Variants in RGS6 observed in about 807,000 individuals in gnomAD.
RGS6 encodes regulator of G protein signaling 6.
In RGS6, 30 loss-of-function variants were observed where a neutral mutation model predicts 78.5. That is an observed-to-expected ratio of 0.38 (90% confidence interval 0.29 to 0.52). The LOEUF (loss-of-function observed/expected upper bound fraction) is 0.52. Ranked by LOEUF, RGS6 falls within the 20% of genes least tolerant of loss-of-function variation. RGS6 has a pLI of 0.85. For synonymous variants in RGS6, 206 were observed against 206.0 expected (o/e 1.00, Z 0.00); for missense variants, 495 against 609.7 (o/e 0.81, Z 1.98).
At chr14:72,013,689 G>T (rs1464249219) in intron 2 of RGS6, among the ~76,000 whole-genome samples, 1 of 152,204 alleles carries the variant, frequency 6.6e-6, no homozygotes, top group African/African-American at 2.4e-5. Context: ...AAATATTCAT[G>T]AGCAAATATA....
intron 3 of RGS6, among the ~76,000 whole-genome samples, chr14:72,400,620 G>A (rs866011131): frequency 6.6e-6 from 1 of 152,178 alleles, no homozygotes; most frequent in Non-Finnish European, 1.5e-5. Context: ...CGCTGATTCT[G>A]TTCAGTAACC....
chr14:72,241,342 A>T (rs1260461809), intron 2 of RGS6, among the ~76,000 whole-genome samples: 1 of 152,192 alleles, frequency 6.6e-6, no homozygotes, highest in African/African-American at 2.4e-5. Flanking sequence ...TTCTGAAAAT[A>T]CTTTAAATCC....
chr14:72,549,176 G>A (rs1329493367), intron 17 of RGS6, among the ~76,000 whole-genome samples: 2 of 152,188 alleles, frequency 1.3e-5, no homozygotes, highest in Non-Finnish European at 2.9e-5. Flanking sequence ...CACACTCAAA[G>A]CAAGGGAAAC....
chr14:72,271,892 T>C (rs1287391088), intron 2 of RGS6, among the ~76,000 whole-genome samples: 1 of 151,526 alleles, frequency 6.6e-6, no homozygotes, highest in African/African-American at 2.4e-5. Context: ...CCAGCAGCAG[T>C]AGTTGAGTCC....
At chr14:71,874,020 C>T in the RGS6 span, among the ~76,000 whole-genome samples, 4 of 152,208 alleles carry the variant, frequency 2.6e-5, no homozygotes, top group South Asian at 2.1e-4. Flanking sequence ...TTGGTACCAA[C>T]ACCATGCTGT....
chr14:72,485,478 T>C (rs1444726461), intron 12 of RGS6, among the ~76,000 whole-genome samples: 1 of 152,184 alleles, frequency 6.6e-6, no homozygotes, highest in East Asian at 1.9e-4. Context: ...GGCCTTCTCA[T>C]TGTCTTGTGT....
chr14:72,133,616 A>C (rs1033304525), intron 2 of RGS6, among the ~76,000 whole-genome samples: 1 of 152,066 alleles, frequency 6.6e-6, no homozygotes, highest in Non-Finnish European at 1.5e-5. Flanking sequence ...TGCCTTTCCA[A>C]GTACTCTTGC....
chr14:72,291,246 C>T (rs752628375), intron 2 of RGS6, among the ~76,000 whole-genome samples: 9 of 152,028 alleles, frequency 5.9e-5, no homozygotes, highest in Admixed American at 1.3e-4. Context: ...AGGCAAGCCA[C>T]TCTCCATAGT....
At position 72,465,674 on chromosome 14, in the gene RGS6, A is replaced by G. The variant is rs563966428; in HGVS notation, c.395-84A>G. 5.4e-4 allele frequency: 510 copies of G among 936,082 alleles called. 3 individuals carry two copies. The African/African-American group carries it at 7.4e-3, about 14-fold the overall frequency. 58.0% of individuals were successfully genotyped at this position (936,082 alleles called of 1,614,324 possible). On this transcript the variant is annotated intron_variant, in intron 6 of 17. Transcript: ENST00000553525. ...GATGGATGGATGGGTGAATGGGTGAATGGATGGACAGATGGATGGATGGGC... is the reference window on the plus strand; with the variant it reads ...GATGGATGGATGGGTGAATGGGTGAGTGGATGGACAGATGGATGGATGGGC...
At chr14:71,958,007 A>C (rs1039172124) in intron 1 of RGS6, among the ~76,000 whole-genome samples, 1 of 143,880 alleles carries the variant, frequency 7.0e-6, no homozygotes, top group Non-Finnish European at 1.5e-5. Context: ...GGTTTAAGCA[A>C]TCCTCATGCA....
chr14:72,422,468 G>C (rs1455247214), intron 3 of RGS6, among the ~76,000 whole-genome samples: 1 of 152,150 alleles, frequency 6.6e-6, no homozygotes, highest in Non-Finnish European at 1.5e-5. Context: ...AACAAATCTA[G>C]AGAAATAAGT....
chr14:72,348,525 C>T (rs1276325538), intron 2 of RGS6, among the ~76,000 whole-genome samples: 1 of 152,108 alleles, frequency 6.6e-6, no homozygotes, highest in African/African-American at 2.4e-5. Context: ...CTCCAGAAAC[C>T]ATGACAAGGA....
chr14:72,390,831 A>G (rs987442955), intron 3 of RGS6, among the ~76,000 whole-genome samples: 3 of 152,326 alleles, frequency 2.0e-5, no homozygotes, highest in Admixed American at 1.3e-4. Context: ...TCATGGCTAA[A>G]TAGTGGTGAA....
chr14:72,092,665 A>T (rs1340664168), intron 2 of RGS6, among the ~76,000 whole-genome samples: 1 of 152,204 alleles, frequency 6.6e-6, no homozygotes, highest in Non-Finnish European at 1.5e-5. Flanking sequence ...TACAGGCGTG[A>T]ACCATTGCGC....
At chr14:72,345,830 C>T (rs1019166164) in intron 2 of RGS6, among the ~76,000 whole-genome samples, 1 of 152,148 alleles carries the variant, frequency 6.6e-6, no homozygotes, top group Non-Finnish European at 1.5e-5. Context: ...AGTTGAAAAT[C>T]GCAATGCATT....
At chr14:72,303,178 A>C (rs2066493348) in intron 2 of RGS6, among the ~76,000 whole-genome samples, 1 of 152,178 alleles carries the variant, frequency 6.6e-6, no homozygotes, top group Non-Finnish European at 1.5e-5. Context: ...GCTTTTCATC[A>C]TGCACCACAT....
chr14:72,192,742 A>C (rs2153722007), intron 2 of RGS6, among the ~76,000 whole-genome samples: 1 of 152,290 alleles, frequency 6.6e-6, no homozygotes, highest in Non-Finnish European at 1.5e-5. Context: ...GTAGGATATA[A>C]TTTTCTTTCT....
At chr14:72,015,329 T>C (rs1163916241) in intron 2 of RGS6, among the ~76,000 whole-genome samples, 1 of 152,214 alleles carries the variant, frequency 6.6e-6, no homozygotes, top group African/African-American at 2.4e-5. Context: ...CACCAAGCCA[T>C]TCATGAGGAA....
intron 2 of RGS6, among the ~76,000 whole-genome samples, chr14:72,216,749 T>G (rs1316941287): frequency 6.6e-6 from 1 of 152,158 alleles, no homozygotes; most frequent in Non-Finnish European, 1.5e-5. Context: ...CTGAGGTGTG[T>G]GTTTCTCTCT....
Sources: gnomAD v4.1 joint callset for allele counts (sites outside exome capture counted in the v4.1 genomes callset) on GRCh38, gnomAD v4.1.1 for gene constraint, MANE v1.5 for transcripts, NCBI Gene and HGNC (gene_info 2026-07-23, HGNC 2026-07-21) for gene names.